The following MIA2 variants were observed in gnomAD, a reference collection of about 807,000 sequenced individuals.
MIA2 encodes melanoma inhibitory activity protein 2.
A neutral mutation model predicts 167.8 loss-of-function variants in MIA2; 127 were observed. The ratio of observed to expected loss-of-function variants is 0.76; its 90% CI spans 0.66 to 0.88. MIA2 has a LOEUF of 0.88. Ranked by LOEUF, MIA2 falls within the 40% of genes least tolerant of loss-of-function variation. The pLI, the probability that MIA2 is intolerant of heterozygous loss-of-function variation, is 0.00. For synonymous variants in MIA2, 552 were observed against 541.9 expected (o/e 1.02, Z -0.26); for missense variants, 1,690 against 1,624.7 (o/e 1.04, Z -0.69).
chr14:39,328,893 G>A (rs2068158105), intron 25 of MIA2, among the ~76,000 whole-genome samples: 1 of 152,138 alleles, frequency 6.6e-6, no homozygotes, highest in East Asian at 1.9e-4. Context: ...TTGAAGTCAG[G>A]TGGTGTGATG....
chr14:39,287,110 G>C (rs565573034), intron 9 of MIA2, among the ~76,000 whole-genome samples: 7 of 151,690 alleles, frequency 4.6e-5, no homozygotes, highest in African/African-American at 1.7e-4. Flanking sequence ...GTCTCACTCT[G>C]TTGCCCAGGC....
intron 23 of MIA2, among the ~76,000 whole-genome samples, chr14:39,370,986 A>G (rs2074931117): frequency 6.6e-6 from 1 of 152,218 alleles, no homozygotes; most frequent in African/African-American, 2.4e-5. Context: ...TTATTCAAGT[A>G]TCTTTTGAAT....
intron 13 of MIA2, among the ~76,000 whole-genome samples, chr14:39,297,154 C>T (rs769613062): frequency 2.6e-5 from 4 of 151,164 alleles, no homozygotes; most frequent in Admixed American, 6.6e-5. Flanking sequence ...GAGTTCATGG[C>T]GCTATCTCAG....
intron 6 of MIA2, among the ~76,000 whole-genome samples, chr14:39,254,656 T>C (rs371706533): frequency 1.3e-5 from 2 of 152,226 alleles, no homozygotes; most frequent in South Asian, 2.1e-4. Context: ...TTCAGCCTAG[T>C]TTCCCAGATA....
At chr14:39,360,858 C>T (rs1455891078) in intron 23 of MIA2, among the ~76,000 whole-genome samples, 1 of 152,170 alleles carries the variant, frequency 6.6e-6, no homozygotes, top group Non-Finnish European at 1.5e-5. Context: ...GGTCTGGTTT[C>T]ATTCTTCCGC....
chr14:39,249,533 C>T (rs1235443225), intron 4 of MIA2, among the ~76,000 whole-genome samples: 1 of 143,792 alleles, frequency 7.0e-6, no homozygotes, highest in African/African-American at 2.6e-5. Flanking sequence ...TAAGAAAACT[C>T]AAGCAAAAAA....
At chr14:39,359,958 A>G (rs1595939470) in intron 23 of MIA2, among the ~76,000 whole-genome samples, 1 of 151,252 alleles carries the variant, frequency 6.6e-6, no homozygotes, top group East Asian at 1.9e-4. Context: ...AACAGTGTAT[A>G]AAAGTTCCTG....
At chr14:39,332,022 T>C (rs980266257) in intron 25 of MIA2, among the ~76,000 whole-genome samples, 3 of 152,238 alleles carry the variant, frequency 2.0e-5, no homozygotes, top group African/African-American at 2.4e-5. Flanking sequence ...CTGGCTAATA[T>C]CCTGAAGAGA....
chr14:39,260,189 T>C (rs1044570353), intron 6 of MIA2, among the ~76,000 whole-genome samples: 2 of 152,204 alleles, frequency 1.3e-5, no homozygotes, highest in Admixed American at 6.5e-5. Context: ...GTCATTATAG[T>C]AGCTTGATTT....
intron 13 of MIA2, among the ~76,000 whole-genome samples, chr14:39,298,530 G>GTTTT (rs764475842): frequency 7.6e-5 from 2 of 26,180 alleles, no homozygotes; most frequent in African/African-American, 3.1e-4. Flanking sequence ...GTAGAACAGA[G>GTTTT]TTTTTTTTTT....
At chr14:39,386,908 G>A (rs971466151) in exon 24 of MIA2, 1 of 783,934 alleles carries the variant, frequency 1.3e-6, no homozygotes, top group Non-Finnish European at 2.2e-6. Context: ...GCCCGGGGCA[G>A]GAGCCCCGGC....
chr14:39,288,801 T>A (rs1301666465), intron 9 of MIA2, among the ~76,000 whole-genome samples: 1 of 152,078 alleles, frequency 6.6e-6, no homozygotes, highest in Non-Finnish European at 1.5e-5. Context: ...CAGGGATAAA[T>A]ACCACTTGAT....
In MIA2 at chr14:39,247,940, T is replaced by G. The variant is rs778930076; in HGVS notation, c.1366T>G (p.Tyr456Asp). 1 of 1,598,332 alleles carries G rather than the reference T, an allele frequency of 6.3e-7. No individual in the cohort carries two copies. Among genetic ancestry groups the G allele is most frequent in the Non-Finnish European group, 8.5e-7 (1 of 1,176,446 alleles). Residue 456 changes from tyrosine to aspartate, a missense_variant, in exon 4 of 29, where the codon TAT becomes GAT. Transcript: ENST00000640607. ...AACAGACGAATCTGATACTATACCA[T>G]ATTTGAAAAAGTTCTTGTATAATTT... is the stretch of plus-strand genomic sequence containing the variant. ...EKTDESDTIPYLKKFLYNFDN... is the reference protein window; with the variant it reads ...EKTDESDTIPDLKKFLYNFDN...
intron 4 of MIA2, among the ~76,000 whole-genome samples, chr14:39,249,953 A>T (rs1436068726): frequency 6.6e-6 from 1 of 152,152 alleles, no homozygotes; most frequent in African/African-American, 2.4e-5. Flanking sequence ...CTCAACCAAC[A>T]TATAGATATT....
At chr14:39,274,687 A>G (rs148338967) in intron 6 of MIA2, among the ~76,000 whole-genome samples, 3,068 of 151,294 alleles carry the variant, frequency 0.02, 104 homozygotes, top group African/African-American at 0.068. Flanking sequence ...TGGCCTCCCA[A>G]AGTGCTGGGA....
Position 39,350,386 on chromosome 14 carries a change from G to A in MIA2, c.*122G>A, listed in dbSNP as rs2074257530. The A allele has an allele frequency of 2.0e-6, 1 of 492,348 alleles. No individual in the cohort carries two copies. The highest frequency in any genetic ancestry group is 3.4e-5 in the East Asian group (1 of 29,780). 30.5% of individuals were successfully genotyped at this position (492,348 alleles called of 1,614,324 possible). A position where few individuals can be genotyped will look rare whatever the true frequency, so the allele number is the denominator to read the frequency against. ...AAGCTTAATGGAATTATAATTCTCA[G>A]GATAGTATTTTGTAAATAAAGATGA... On this transcript the variant is annotated 3_prime_UTR_variant, in exon 29 of 29. Coordinates refer to ENST00000640607, the MANE Select transcript of MIA2 (RefSeq NM_001329214.4).
At chr14:39,352,817 T>A (rs1567043119), downstream of MIA2, among the ~76,000 whole-genome samples, 1 of 152,218 alleles carries the variant, frequency 6.6e-6, no homozygotes, top group Non-Finnish European at 1.5e-5. Flanking sequence ...GCATGTAGAA[T>A]CACTAAGTTG....
intron 6 of MIA2, among the ~76,000 whole-genome samples, chr14:39,262,438 G>A (rs1484526575): frequency 6.6e-6 from 1 of 152,166 alleles, no homozygotes; most frequent in Non-Finnish European, 1.5e-5. Context: ...ATAGTTTGAA[G>A]TCAGGTAGCA....
At chr14:39,347,277 A>G (rs983983970) in intron 26 of MIA2, among the ~76,000 whole-genome samples, 1 of 152,192 alleles carries the variant, frequency 6.6e-6, no homozygotes, top group African/African-American at 2.4e-5. Flanking sequence ...TGATGATAAC[A>G]AAGTTCGGGA....
Sources: gnomAD v4.1 joint callset for allele counts (sites outside exome capture counted in the v4.1 genomes callset) on GRCh38, gnomAD v4.1.1 for gene constraint, MANE v1.5 for transcripts, NCBI Gene and HGNC (gene_info 2026-07-23, HGNC 2026-07-21) for gene names.